MCC: variants seen among roughly 807,000 people sequenced by gnomAD.
MCC encodes the protein colorectal mutant cancer protein.
A neutral mutation model predicts 116.2 loss-of-function variants in MCC; 90 were observed. That is an observed-to-expected ratio of 0.77 (90% CI 0.65 to 0.92). The LOEUF is 0.92. Ranked by LOEUF, MCC falls within the 40% of genes least tolerant of loss-of-function variation. The pLI, the probability that MCC is intolerant of heterozygous loss-of-function variation, is 0.00. For synonymous variants in MCC, 578 were observed against 510.5 expected (o/e 1.13, Z -1.78); for missense variants, 1,516 against 1,312.2 (o/e 1.16, Z -2.40).
chr5:113,295,942 T>A (rs1766697798), intron 3 of MCC, among the ~76,000 whole-genome samples: 1 of 152,242 alleles, frequency 6.6e-6, no homozygotes, highest in Admixed American at 6.5e-5. Context: ...AAAGCCATTG[T>A]ATTGTCAACT....
At chr5:113,468,033 T>C (rs1251642627) in intron 1 of MCC, among the ~76,000 whole-genome samples, 1 of 152,260 alleles carries the variant, frequency 6.6e-6, no homozygotes, top group Non-Finnish European at 1.5e-5. Context: ...ATTGATTTTG[T>C]ATCCTGAGAC....
chr5:113,374,162 G>A (rs1008019273), intron 2 of MCC, among the ~76,000 whole-genome samples: 1 of 151,710 alleles, frequency 6.6e-6, no homozygotes, highest in African/African-American at 2.4e-5. Context: ...CAAAGGCTGC[G>A]GTTACAGGCG....
At chr5:113,449,108 A>C (rs1771307842) in intron 1 of MCC, among the ~76,000 whole-genome samples, 1 of 152,252 alleles carries the variant, frequency 6.6e-6, no homozygotes. Context: ...ATTACTGGGA[A>C]TAAAATAGCA....
intron 3 of MCC, among the ~76,000 whole-genome samples, chr5:113,327,561 A>AAAATATATATATATAT (rs1480996383): frequency 4.8e-3 from 385 of 80,400 alleles, no homozygotes; most frequent in Non-Finnish European, 8.1e-3. Flanking sequence ...AAAAAAAAAA[A>AAAATATATATATATAT]ATATATATAT....
At chr5:113,096,137 G>T (rs1165981406) in intron 8 of MCC, among the ~76,000 whole-genome samples, 1 of 152,224 alleles carries the variant, frequency 6.6e-6, no homozygotes, top group Admixed American at 6.5e-5. Context: ...GCTTATCACT[G>T]CTACATGGTG....
chr5:113,471,681 T>C (rs1228945527), intron 1 of MCC, among the ~76,000 whole-genome samples: 1 of 151,392 alleles, frequency 6.6e-6, no homozygotes, highest in African/African-American at 2.4e-5. Context: ...GGAGAACCAC[T>C]ACTCTCTTCA....
At chr5:113,079,565 C>A (rs1754698957) in intron 11 of MCC, among the ~76,000 whole-genome samples, 1 of 152,176 alleles carries the variant, frequency 6.6e-6, no homozygotes, top group Admixed American at 6.5e-5. Context: ...GGAAAGGATT[C>A]CCTAGTTAAT....
At chr5:113,484,230 C>G (rs1423647355) in intron 1 of MCC, among the ~76,000 whole-genome samples, 2 of 152,034 alleles carry the variant, frequency 1.3e-5, no homozygotes, top group African/African-American at 4.8e-5. Flanking sequence ...CCCCACGACA[C>G]AAGTTTACCT....
intron 3 of MCC, among the ~76,000 whole-genome samples, chr5:113,161,666 GTGTGTC>G (rs1760494872): frequency 1.1e-5 from 1 of 89,018 alleles, no homozygotes; most frequent in African/African-American, 3.8e-5. Context: ...GTGTGTGTGT[GTGTGTC>G]TACACATACC....
In MCC at chr5:113,136,368, C is replaced by T. The variant is rs185200807; in HGVS notation, c.884+6850G>A. 2.9e-4 allele frequency among the ~76,000 whole-genome samples: 44 copies of T among 152,288 alleles called. 1 individual carries two copies. Among genetic ancestry groups the T allele is most frequent in the African/African-American group, 9.6e-4 (40 of 41,558 alleles). ...GAAAATATAAATAAAAATAGACCTA[C>T]TGATGGTACAGCTCATGGGTGCAAG... On this transcript the variant is annotated intron_variant, in intron 5 of 18. Transcript: ENST00000408903.
intron 1 of MCC, among the ~76,000 whole-genome samples, chr5:113,463,134 G>C (rs1183249364): frequency 6.6e-6 from 1 of 152,160 alleles, no homozygotes; most frequent in Non-Finnish European, 1.5e-5. Context: ...GAACACACTG[G>C]AGAAACTGAA....
At chr5:113,424,745 A>C (rs1460669486) in intron 1 of MCC, among the ~76,000 whole-genome samples, 2 of 152,140 alleles carry the variant, frequency 1.3e-5, no homozygotes, top group Non-Finnish European at 2.9e-5. Flanking sequence ...AAAATTAGAA[A>C]GCACACCCAG....
chr5:113,166,716 A>C (rs1265875213), intron 3 of MCC, among the ~76,000 whole-genome samples: 13 of 148,404 alleles, frequency 8.8e-5, no homozygotes, highest in Non-Finnish European at 1.8e-4. Flanking sequence ...AAAAAAAAAA[A>C]AAAAAACAAC....
At chr5:113,424,184 C>CACACAT (rs1770423412) in intron 1 of MCC, among the ~76,000 whole-genome samples, 1 of 146,008 alleles carries the variant, frequency 6.8e-6, no homozygotes, top group African/African-American at 2.6e-5. Flanking sequence ...CACACACACA[C>CACACAT]ATTCTAATCA....
chr5:113,123,991 C>T (rs905926027), intron 5 of MCC, among the ~76,000 whole-genome samples: 6 of 152,128 alleles, frequency 3.9e-5, no homozygotes, highest in African/African-American at 9.7e-5. Context: ...GCGGGAGACA[C>T]ATCTATAAAT....
intron 2 of MCC, among the ~76,000 whole-genome samples, chr5:113,349,185 T>C (rs927684680): frequency 1.3e-5 from 2 of 151,872 alleles, no homozygotes; most frequent in Non-Finnish European, 1.5e-5. Context: ...ATAGAACACT[T>C]CCATACTCAT....
Position 113,488,336 on chromosome 5 carries a change from T to TGCC in MCC, c.78_79insGGC (p.Ser26_Ser27insGly), listed in dbSNP as rs1554087724. On this transcript the variant is annotated inframe_insertion, in exon 1 of 19. Coordinates refer to ENST00000408903, the MANE Select transcript of MCC (RefSeq NM_001085377.2). ...CCGGTGCTGGACGTGTCGCTGCTGC[T>TGCC]GCTGCTGCTGCCGCTGCCGCCGCCG... 4.7e-6 allele frequency: 7 copies of TGCC among 1,479,294 alleles called. No individual in the cohort carries two copies. The highest frequency in any genetic ancestry group is 2.3e-5 in the Admixed American group (1 of 42,852). The allele number at this position is 1,479,294 out of a possible 1,614,324, so 91.6% of individuals were successfully genotyped here.
At position 113,358,819 on chromosome 5, in the gene MCC, C is replaced by G. The variant is rs147687645; in HGVS notation, c.416-18089G>C. Among the ~76,000 whole-genome samples, 311 of 152,312 alleles carry G rather than the reference C, an allele frequency of 2.0e-3. 1 individual carries two copies. Among genetic ancestry groups the G allele is most frequent in the African/African-American group, 7.2e-3 (299 of 41,572 alleles). Reference sequence around the variant, plus strand: ...CAGCAGTAAATCGCTTAGTCCACAACAGAATCACCATGAGTCTTTAGTCAT... The same window carrying G: ...CAGCAGTAAATCGCTTAGTCCACAAGAGAATCACCATGAGTCTTTAGTCAT... On this transcript the variant is annotated intron_variant, in intron 2 of 18. Coordinates refer to ENST00000408903, the MANE Select transcript of MCC (RefSeq NM_001085377.2).
At chr5:113,234,180 G>C (rs1041210106) in intron 3 of MCC, among the ~76,000 whole-genome samples, 10 of 152,042 alleles carry the variant, frequency 6.6e-5, no homozygotes, top group African/African-American at 2.4e-4. Flanking sequence ...TCATTACTTT[G>C]ATGATAAAAG....
Sources: allele counts gnomAD v4.1 joint callset (sites outside exome capture counted in the v4.1 genomes callset), GRCh38; gene constraint gnomAD v4.1.1; transcripts MANE v1.5; gene names NCBI Gene and HGNC (gene_info 2026-07-23, HGNC 2026-07-21).